TESC: variants seen among roughly 807,000 people sequenced by gnomAD.
TESC encodes the protein tescalcin.
Under a neutral mutation model 31.0 loss-of-function variants are expected in TESC, and 19 were observed. The ratio of observed to expected loss-of-function variants is 0.61; its 90% CI spans 0.43 to 0.90. TESC has a LOEUF of 0.90. TESC is among the 40% of genes least tolerant of loss of function. The pLI is 0.00. For missense variants in TESC, 248 were observed against 303.8 expected (o/e 0.82, Z 1.36); for synonymous variants, 109 against 114.8 (o/e 0.95, Z 0.32).
intron 1 of TESC, among the ~76,000 whole-genome samples, chr12:117,083,317 G>A (rs547455663): frequency 1.3e-5 from 2 of 152,272 alleles, no homozygotes; most frequent in South Asian, 4.1e-4. Flanking sequence ...GATCTGAGGT[G>A]ATCCACCCAC....
intron 1 of TESC, among the ~76,000 whole-genome samples, chr12:117,098,872 GGC>G (rs1016976472): frequency 1.3e-5 from 2 of 152,166 alleles, no homozygotes; most frequent in East Asian, 1.9e-4. Flanking sequence ...TCAGGTGTGG[GGC>G]GCGCGCGCCA....
chr12:117,049,151 G>A lies in TESC; in HGVS notation c.217C>T (p.Arg73Cys), dbSNP rs201966544. 8.1e-6 allele frequency: 13 copies of A among 1,614,112 alleles called. No individual in the cohort carries two copies. The highest frequency in any genetic ancestry group is 5.0e-5 in the Admixed American group (3 of 60,014). ...VRAFFDNRNL[R>C]KGPSGLADEI... ...TCAGCCAGGCCACTGGGTCCCTTGC[G>A]CAGGTTCCTACGGGAGCAACAAGGA... Residue 73 changes from arginine (R) to cysteine (C), a missense_variant, in exon 4 of 8, where the codon CGC becomes TGC. Physicochemically the swap from Arg to Cys is radical, Grantham distance 180. Transcript: ENST00000335209.
At chr12:117,053,653 C>A (rs1954679504) in intron 3 of TESC, among the ~76,000 whole-genome samples, 1 of 152,178 alleles carries the variant, frequency 6.6e-6, no homozygotes, top group African/African-American at 2.4e-5. Context: ...TTACAACTGG[C>A]CAAAGTTGCA....
intron 3 of TESC, among the ~76,000 whole-genome samples, chr12:117,056,497 C>T (rs1473121791): frequency 1.3e-5 from 2 of 152,100 alleles, no homozygotes; most frequent in East Asian, 3.9e-4. Context: ...CGCAGCCTCC[C>T]CAGCAGCTGA....
intron 3 of TESC, among the ~76,000 whole-genome samples, chr12:117,056,539 T>C (rs2135760209): frequency 6.6e-6 from 1 of 152,252 alleles, no homozygotes; most frequent in African/African-American, 2.4e-5. Flanking sequence ...TGCTTGGCTA[T>C]TGTGTTAAAC....
intron 6 of TESC, among the ~76,000 whole-genome samples, chr12:117,044,214 T>C (rs74603618): frequency 0.012 from 1,855 of 152,126 alleles, 51 homozygotes; most frequent in African/African-American, 0.042. Context: ...TAGTGAGCTA[T>C]GATCACACCA....
Position 117,038,948 on chromosome 12 carries a change from T to A in TESC, c.*185A>T, listed in dbSNP as rs1030870743. The stretch of plus-strand genomic sequence containing the variant: ...TTAATTAACAAACCTTTTTTTTTTT[T>A]TTATTGGAGATAAAAACAGCGAAGT... On this transcript the variant is annotated 3_prime_UTR_variant, in exon 8 of 8. Coordinates refer to ENST00000335209, the MANE Select transcript of TESC (RefSeq NM_017899.4). 1.6e-5 allele frequency: 9 copies of A among 559,536 alleles called. No homozygotes were observed. Among genetic ancestry groups the A allele is most frequent in the African/African-American group, 1.3e-4 (7 of 53,268 alleles). The allele number at this position is 559,536 out of a possible 1,614,324, so 34.7% of individuals were successfully genotyped here. A position where few individuals can be genotyped will look rare whatever the true frequency, so the allele number is the denominator to read the frequency against.
chr12:117,065,337 T>C (rs1005889140), intron 2 of TESC, among the ~76,000 whole-genome samples: 2 of 152,024 alleles, frequency 1.3e-5, no homozygotes, highest in African/African-American at 2.4e-5. Context: ...AATCCTGGGC[T>C]CCTTGGGAGG....
chr12:117,077,042 C>A (rs1955083591), intron 1 of TESC, among the ~76,000 whole-genome samples: 1 of 152,188 alleles, frequency 6.6e-6, no homozygotes, highest in African/African-American at 2.4e-5. Context: ...CACTGTTTTG[C>A]TCCTGTTACA....
At chr12:117,063,982 T>C (rs918803950) in intron 2 of TESC, among the ~76,000 whole-genome samples, 2 of 152,170 alleles carry the variant, frequency 1.3e-5, no homozygotes, top group Non-Finnish European at 2.9e-5. Context: ...ATTAATACAG[T>C]AGTGCATTCA....
chr12:117,057,403 G>C (rs971719044), intron 2 of TESC, among the ~76,000 whole-genome samples: 2 of 152,130 alleles, frequency 1.3e-5, no homozygotes, highest in African/African-American at 4.8e-5. Context: ...CCGGCCTTGA[G>C]ATATTTTTGA....
At chr12:117,044,207 T>A (rs1046133833) in intron 6 of TESC, among the ~76,000 whole-genome samples, 4 of 152,034 alleles carry the variant, frequency 2.6e-5, no homozygotes, top group Admixed American at 1.3e-4. Context: ...GAAGCCGTAG[T>A]GAGCTATGAT....
chr12:117,065,524 T>C (rs1174286018), intron 2 of TESC, among the ~76,000 whole-genome samples: 2 of 152,086 alleles, frequency 1.3e-5, no homozygotes, highest in Admixed American at 1.3e-4. Context: ...CATGTCTTAT[T>C]GGATATTAAG....
chr12:117,074,407 G>A (rs1199538440), intron 2 of TESC, among the ~76,000 whole-genome samples: 2 of 151,986 alleles, frequency 1.3e-5, no homozygotes, highest in Non-Finnish European at 2.9e-5. Flanking sequence ...TAATTCAACC[G>A]GAATACAGTT....
At chr12:117,063,213 C>A (rs189506167) in intron 2 of TESC, among the ~76,000 whole-genome samples, 1 of 152,174 alleles carries the variant, frequency 6.6e-6, no homozygotes, top group African/African-American at 2.4e-5. Flanking sequence ...AGAGTTGGCG[C>A]GGGACTCCAG....
intron 2 of TESC, among the ~76,000 whole-genome samples, chr12:117,064,030 TCCTC>T (rs1433461564): frequency 6.6e-6 from 1 of 152,140 alleles, no homozygotes; most frequent in Admixed American, 6.5e-5. Context: ...GCTCAAGTGA[TCCTC>T]CCTCCTCAGC....
chr12:117,060,505 C>CA (rs1485563282), intron 2 of TESC, among the ~76,000 whole-genome samples: 2 of 152,144 alleles, frequency 1.3e-5, no homozygotes, highest in African/African-American at 4.8e-5. Context: ...ATAGAGAGAC[C>CA]AGAGCCCTGA....
At chr12:117,042,770 C>A (rs953355127) in intron 6 of TESC, among the ~76,000 whole-genome samples, 1 of 152,182 alleles carries the variant, frequency 6.6e-6, no homozygotes, top group African/African-American at 2.4e-5. Flanking sequence ...ACAGCGAAAA[C>A]CCGCTGACAT....
rs146090241 is a variant in TESC at position 117,060,131 on chromosome 12, G to A, written c.129-3245C>T. Among the ~76,000 whole-genome samples, 747 of 152,160 alleles carry A rather than the reference G, an allele frequency of 4.9e-3. 9 individuals are homozygous for A. Among genetic ancestry groups the A allele is most frequent in the African/African-American group, 0.017 (720 of 41,492 alleles). On this transcript the variant is annotated intron_variant, in intron 2 of 7. Coordinates refer to ENST00000335209, the MANE Select transcript of TESC (RefSeq NM_017899.4). The stretch of plus-strand genomic sequence containing the variant: ...AGTGGACTGTACATTTTCAATGGGC[G>A]AATTTTATAATATGTGCATTACAGC...
Sources: allele counts gnomAD v4.1 joint callset (sites outside exome capture counted in the v4.1 genomes callset), GRCh38; gene constraint gnomAD v4.1.1; transcripts MANE v1.5; gene names NCBI Gene and HGNC (gene_info 2026-07-23, HGNC 2026-07-21).